The following PHYHD1 variants were observed in gnomAD, a reference collection of about 807,000 sequenced individuals.
The protein encoded by PHYHD1 is phytanoyl-CoA dioxygenase domain-containing protein 1.
Under a neutral mutation model 43.6 loss-of-function variants are expected in PHYHD1, and 42 were observed. That is an observed-to-expected ratio of 0.96 (90% CI 0.75 to 1.25). PHYHD1 has a LOEUF of 1.25. Among genes scored for constraint, PHYHD1 ranks in the 50% most tolerant of loss-of-function variants. The pLI is 0.00. For missense variants in PHYHD1, 342 were observed against 370.8 expected, an observed-to-expected ratio of 0.92 and a Z score of 0.64; for synonymous variants, 139 against 143.6, an observed-to-expected ratio of 0.97 and a Z score of 0.23.
chr9:128,941,906 C>G lies in PHYHD1; in HGVS notation c.*193C>G, dbSNP rs576759378. 3.0e-5 allele frequency: 21 copies of G among 690,550 alleles called. No individual in the cohort carries two copies. The highest frequency in any genetic ancestry group is 4.6e-5 in the Non-Finnish European group (19 of 415,330). 42.8% of individuals were successfully genotyped at this position (690,550 alleles called of 1,614,324 possible). A position where few individuals can be genotyped will look rare whatever the true frequency, so the allele number is the denominator to read the frequency against. On this transcript the variant is annotated 3_prime_UTR_variant, in exon 13 of 13. Coordinates refer to ENST00000372592, the MANE Select transcript of PHYHD1 (RefSeq NM_001100876.2). The stretch of plus-strand genomic sequence containing the variant: ...AGATCTTCACCTCTCTGCCTCCCTA[C>G]TGCCCCAACATAGCCTTGAGGAGGC...
chr9:128,940,620 T>G lies in PHYHD1; in HGVS notation c.608T>G (p.Val203Gly), dbSNP rs759639813. 6.2e-7 allele frequency: 1 copy of G among 1,614,048 alleles called. No individual in the cohort carries two copies. The highest frequency in any genetic ancestry group is 8.5e-7 in the Non-Finnish European group (1 of 1,180,038). Residue 203 changes from valine to glycine, a missense_variant, in exon 11 of 13, where the codon GTC (valine) becomes GGC (glycine). Transcript: ENST00000372592. ...GCAGGTGGTGTGTCAAGAAGGATGG[T>G]CCGGGCCCCTGTTGGCTCAGCGCCT... is the stretch of plus-strand genomic sequence containing the variant. ...SHTSGVSRRM[V>G]RAPVGSAPGT...
At chr9:128,932,276 T>A (rs1332160653) in intron 4 of PHYHD1, among the ~76,000 whole-genome samples, 1 of 151,318 alleles carries the variant, frequency 6.6e-6, no homozygotes, top group Non-Finnish European at 1.5e-5. Flanking sequence ...CCTCCTGGGT[T>A]CAAGCGATTC....
intron 6 of PHYHD1, among the ~76,000 whole-genome samples, chr9:128,935,387 G>A (rs1324882432): frequency 6.6e-6 from 1 of 152,000 alleles, no homozygotes; most frequent in Non-Finnish European, 1.5e-5. Flanking sequence ...CACTTTGGGA[G>A]GCTGAGGTGG....
At chr9:128,937,728 C>T (rs1841460152) in intron 8 of PHYHD1, 29 bp from the exon 9 acceptor site, 1 of 1,613,696 alleles carries the variant, frequency 6.2e-7, no homozygotes. Context: ...TCTCTTCTGT[C>T]CTCACCAGGC....
At position 128,941,682 on chromosome 9, in the gene PHYHD1, C is replaced by T. The variant is rs1175109525; in HGVS notation, c.845C>T (p.Ala282Val). Residue 282 changes from alanine (A) to valine (V), a missense_variant, in exon 13 of 13, where the codon GCT (alanine) becomes GTT (valine). Ala to Val is a moderately conservative substitution (Grantham distance 64, BLOSUM62 0). Transcript: ENST00000372592. The stretch of plus-strand genomic sequence containing the variant: ...ATCCTCTGCAGGCTCCAGCCAACAG[C>T]TGAACTGCCCTTTCCCCAACTGTAC... ...WSPENWLQPTAELPFPQLYT is the reference protein window; with the variant it reads ...WSPENWLQPTVELPFPQLYT 40 of 1,614,096 alleles carry T rather than the reference C, an allele frequency of 2.5e-5. No individual in the cohort carries two copies. The highest frequency in any genetic ancestry group is 3.3e-5 in the Non-Finnish European group (39 of 1,180,042).
intron 3 of PHYHD1, among the ~76,000 whole-genome samples, chr9:128,923,269 G>T (rs1243558378): frequency 6.6e-6 from 1 of 151,756 alleles, no homozygotes; most frequent in Non-Finnish European, 1.5e-5. Context: ...CAGAGATGGG[G>T]TCTCACTTTG....
At position 128,936,487 on chromosome 9, in the gene PHYHD1, A is replaced by G. The variant is rs748221153; in HGVS notation, c.356A>G (p.His119Arg). 1.9e-6 allele frequency: 3 copies of G among 1,613,266 alleles called. No individual in the cohort carries two copies. Among genetic ancestry groups the G allele is most frequent in the Non-Finnish European group, 2.5e-6 (3 of 1,179,894 alleles). Residue 119 changes from histidine (H) to arginine (R), a missense_variant, in exon 7 of 13, where the codon CAC (histidine) becomes CGC (arginine). Physicochemically the swap from His to Arg is conservative, Grantham distance 29 (BLOSUM62 0). Coordinates refer to ENST00000372592, the MANE Select transcript of PHYHD1 (RefSeq NM_001100876.2). ...AHDPVFKSITHSFKVQTLARS... is the reference protein window; with the variant it reads ...AHDPVFKSITRSFKVQTLARS... ...GACCCCGTCTTCAAGAGCATCACAC[A>G]CTCCTTCAAGGTGCAGGTGAGCAGA...
chr9:128,939,282 T>TA (rs113293579), intron 9 of PHYHD1, among the ~76,000 whole-genome samples: 10,667 of 129,260 alleles, frequency 0.083, 2,041 homozygotes, highest in African/African-American at 0.25. Context: ...GGGAGGTTTT[T>TA]AAAAATGTGG....
intron 4 of PHYHD1, 169 bp from the exon 5 acceptor site, chr9:128,933,613 A>G: frequency 1.3e-6 from 1 of 741,768 alleles, no homozygotes; most frequent in Non-Finnish European, 2.5e-6. Context: ...GCTTCCAGGC[A>G]CTTGAAGTTC....
chr9:128,922,939 T>C (rs1841038864), intron 3 of PHYHD1, among the ~76,000 whole-genome samples: 1 of 64,084 alleles, frequency 1.6e-5, no homozygotes, highest in African/African-American at 4.6e-5. Context: ...CCCAGCTCTT[T>C]TTTTTTTTTT....
chr9:128,941,309 T>G, intron 11 of PHYHD1, 136 bp from the exon 12 acceptor site: 5 of 1,215,810 alleles, frequency 4.1e-6, no homozygotes, highest in Non-Finnish European at 5.8e-6. Context: ...TGCAGATGCC[T>G]GAGCTTTCAG....
rs775110138 is a variant in PHYHD1, at chr9:128,941,447, G to A, written c.706G>A (p.Ala236Thr). The stretch of plus-strand genomic sequence containing the variant: ...TGACCTGCTTGTGTCTCTGCCAGGG[G>A]CCCTGGTCCTCATCCATGGAGAAGT... ...LFVPTPVQRGALVLIHGEVVH... is the reference protein window; with the variant it reads ...LFVPTPVQRGTLVLIHGEVVH... The change falls in exon 12 of 13, where the codon GCC becomes ACC. Residue 236 changes from alanine to threonine, a missense_variant and splice_region_variant. Ala to Thr is a moderately conservative substitution (Grantham distance 58). Coordinates refer to ENST00000372592, the MANE Select transcript of PHYHD1 (RefSeq NM_001100876.2). 4 of 1,613,134 alleles carry A rather than the reference G, an allele frequency of 2.5e-6. No individual in the cohort carries two copies. The African/African-American group carries it at 5.3e-5, about 22-fold the overall frequency.
rs943772925 is a variant in PHYHD1, at chr9:128,922,332, C to T, written c.9C>T (p.Cys3=). ...GTGCCCTGAGCGTCTCCATGGCCTGCCTGAGCCCCTCGCAGCTCCAGAAGG... is the reference window on the plus strand; with the variant it reads ...GTGCCCTGAGCGTCTCCATGGCCTGTCTGAGCCCCTCGCAGCTCCAGAAGG... MA[C]LSPSQLQKFQ... is the part of the protein sequence containing the mutation. The change falls in exon 3 of 13, where the codon TGC becomes TGT. Residue 3 remains cysteine, a synonymous_variant. Coordinates refer to ENST00000372592, the MANE Select transcript of PHYHD1 (RefSeq NM_001100876.2). 6.4e-7 allele frequency: 1 copy of T among 1,550,840 alleles called. No individual in the cohort carries two copies. The highest frequency in any genetic ancestry group is 1.2e-5 in the South Asian group (1 of 84,000).
chr9:128,941,617 T>C, intron 12 of PHYHD1, 46 bp downstream of exon 12: 3 of 1,614,152 alleles, frequency 1.9e-6, no homozygotes, highest in Non-Finnish European at 2.5e-6. Context: ...CCCTGGAGGC[T>C]GGGAACAGTG....
Position 128,941,703 on chromosome 9 carries a change from T to C in PHYHD1, c.866T>C (p.Leu289Pro), listed in dbSNP as rs757695021. The C allele has an allele frequency of 1.2e-6, 2 of 1,614,182 alleles. No individual in the cohort carries two copies. Among genetic ancestry groups the C allele is most frequent in the Non-Finnish European group, 1.7e-6 (2 of 1,180,020 alleles). ...ACAGCTGAACTGCCCTTTCCCCAAC[T>C]GTACACCTAAAGGCTCTCGCAGGGC... ...QPTAELPFPQ[L>P]YT Residue 289 changes from leucine (L) to proline (P), a missense_variant, in exon 13 of 13, where the codon CTG (leucine) becomes CCG (proline). Leu to Pro is a moderately conservative substitution (Grantham distance 98, BLOSUM62 -3). Coordinates refer to ENST00000372592, the MANE Select transcript of PHYHD1 (RefSeq NM_001100876.2).
At chr9:128,922,494 A>C in intron 3 of PHYHD1, 138 bp downstream of exon 3, 4 of 1,039,936 alleles carry the variant, frequency 3.8e-6, no homozygotes, top group Admixed American at 2.7e-5. Flanking sequence ...CGGGTTCCCA[A>C]CCGCAACCCC....
At chr9:128,929,495 A>G (rs1841218186) in intron 4 of PHYHD1, among the ~76,000 whole-genome samples, 1 of 151,734 alleles carries the variant, frequency 6.6e-6, no homozygotes, top group Non-Finnish European at 1.5e-5. Context: ...GAACATGGTG[A>G]AACCCGGTCT....
chr9:128,941,086 T>C (rs1841549494), intron 11 of PHYHD1, among the ~76,000 whole-genome samples: 2 of 152,174 alleles, frequency 1.3e-5, no homozygotes, highest in Admixed American at 1.3e-4. Flanking sequence ...CGGCCCTTTT[T>C]CTTATGAAAA....
chr9:128,938,019 T>G (rs1006983598), intron 9 of PHYHD1: 15 of 1,354,864 alleles, frequency 1.1e-5, no homozygotes, highest in Non-Finnish European at 1.4e-5. Context: ...AAATATAGAT[T>G]TCCTAGGACA....
Sources: allele counts gnomAD v4.1 joint callset (sites outside exome capture counted in the v4.1 genomes callset), GRCh38; gene constraint gnomAD v4.1.1; transcripts MANE v1.5; gene names NCBI Gene and HGNC (gene_info 2026-07-23, HGNC 2026-07-21).